The following NOL4L variants were observed in gnomAD, a reference collection of about 807,000 sequenced individuals.
The protein encoded by NOL4L is nucleolar protein 4 like.
Under a neutral mutation model 64.5 loss-of-function variants are expected in NOL4L, and 7 were observed. The ratio of observed to expected loss-of-function variants is 0.11; its 90% CI spans 0.06 to 0.20. The LOEUF is 0.20. Ranked by LOEUF, NOL4L falls within the 10% of genes least tolerant of loss-of-function variation. The pLI is 1.00. For synonymous variants in NOL4L, 413 were observed against 401.0 expected (o/e 1.03, Z -0.36); for missense variants, 680 against 967.1 (o/e 0.70, Z 3.94).
intron 4 of NOL4L, chr20:32,486,800 C>T (rs1202006318): frequency 1.3e-5 from 6 of 470,762 alleles, no homozygotes; most frequent in Non-Finnish European, 2.2e-5. Context: ...TGAAGGGAGG[C>T]ACTGGAAGAC....
intron 1 of NOL4L, among the ~76,000 whole-genome samples, chr20:32,536,906 CCT>C (rs920035338): frequency 4.7e-5 from 7 of 149,398 alleles, no homozygotes; most frequent in African/African-American, 1.5e-4. Context: ...CTGGCCTCCC[CCT>C]GTCTCCAGCC....
chr20:32,527,950 A>G (rs1318105117), intron 1 of NOL4L, 37 bp from the exon 2 acceptor site: 1 of 1,389,454 alleles, frequency 7.2e-7, no homozygotes, highest in East Asian at 3.7e-5. Flanking sequence ...AGTGTCAGGA[A>G]TGATGGCGGG....
At chr20:32,551,041 G>C (rs779855759) in intron 1 of NOL4L, among the ~76,000 whole-genome samples, 1 of 151,906 alleles carries the variant, frequency 6.6e-6, no homozygotes, top group South Asian at 2.1e-4. Flanking sequence ...GGGAGACAGA[G>C]CAAGACTCCA....
At chr20:32,576,464 G>C (rs1344529566) in intron 1 of NOL4L, among the ~76,000 whole-genome samples, 1 of 152,242 alleles carries the variant, frequency 6.6e-6, no homozygotes, top group Non-Finnish European at 1.5e-5. Flanking sequence ...TGCAGCTGCT[G>C]TACAGGAAGG....
rs58257913 is a variant in NOL4L, at chr20:32,554,320, C to CAA, written c.322-26409_322-26408dup. ...TGGGCGACAGAGTGAGACTCTGCCT[C>CAA]AAAAAAAAAAAAAAAAAAAAAAGGA... is the stretch of plus-strand genomic sequence containing the variant. On this transcript the variant is annotated intron_variant, in intron 1 of 10. Transcript: ENST00000621426. 0.017 allele frequency among the ~76,000 whole-genome samples: 1,104 copies of CAA among 63,864 alleles called. 66 individuals are homozygous for CAA. The East Asian group carries it at 0.18, about 10-fold the overall frequency. 41.9% of individuals were successfully genotyped at this position (63,864 alleles called of 152,430 possible). A position where few individuals can be genotyped will look rare whatever the true frequency, so the allele number is the denominator to read the frequency against.
At chr20:32,513,385 G>A (rs1436045735) in intron 3 of NOL4L, among the ~76,000 whole-genome samples, 4 of 152,176 alleles carry the variant, frequency 2.6e-5, no homozygotes, top group African/African-American at 7.2e-5. Context: ...CTACTTACAC[G>A]AAATACTTAG....
Position 32,452,369 on chromosome 20 carries a change from T to C in NOL4L, c.1689A>G (p.Ser563=). ...CCTGGGAGTAGGAGGAGGCTGGCAG[T>C]GAGTAGGTGGAGTGGGTGATGGCTG... is the stretch of plus-strand genomic sequence containing the variant. ...DSAAITHSTY[S]LPASSYSQDP... Residue 563 remains serine, a synonymous_variant, in exon 10 of 11, where the codon TCA becomes TCG. Coordinates refer to ENST00000621426, the MANE Select transcript of NOL4L (RefSeq NM_001256798.2). 1 of 1,611,774 alleles carries C rather than the reference T, an allele frequency of 6.2e-7. No individual in the cohort carries two copies. Among genetic ancestry groups the C allele is most frequent in the East Asian group, 2.2e-5 (1 of 44,774 alleles).
At chr20:32,576,138 G>C (rs1422798154) in intron 1 of NOL4L, among the ~76,000 whole-genome samples, 1 of 152,212 alleles carries the variant, frequency 6.6e-6, no homozygotes, top group African/African-American at 2.4e-5. Flanking sequence ...AGTGAGACAG[G>C]AGTCTTGGAG....
Position 32,447,104 on chromosome 20 carries a change from A to C in NOL4L, c.*492T>G, listed in dbSNP as rs891671424. On this transcript the variant is annotated 3_prime_UTR_variant, in exon 11 of 11. Coordinates refer to ENST00000621426, the MANE Select transcript of NOL4L (RefSeq NM_001256798.2). ...TTAGGTATGGGGATACATCCTTCTGATCAGACAGACACAGACTAGCAATCT... is the reference window on the plus strand; with the variant it reads ...TTAGGTATGGGGATACATCCTTCTGCTCAGACAGACACAGACTAGCAATCT... 2.2e-5 allele frequency: 9 copies of C among 404,226 alleles called. No individual in the cohort carries two copies. The highest frequency in any genetic ancestry group is 4.1e-5 in the African/African-American group (2 of 48,342). The allele number at this position is 404,226 out of a possible 1,614,324, so 25.0% of individuals were successfully genotyped here.
intron 1 of NOL4L, among the ~76,000 whole-genome samples, chr20:32,563,940 G>A (rs1175220522): frequency 1.3e-5 from 2 of 152,248 alleles, no homozygotes; most frequent in Non-Finnish European, 2.9e-5. Context: ...GGCGGCTCCT[G>A]CCTGCTCAGT....
chr20:32,572,700 T>G (rs1276841759), intron 1 of NOL4L, among the ~76,000 whole-genome samples: 3 of 152,126 alleles, frequency 2.0e-5, no homozygotes. Context: ...GACCTCTGGC[T>G]TCCATCAAGG....
intron 3 of NOL4L, among the ~76,000 whole-genome samples, chr20:32,518,157 C>T (rs1440372081): frequency 1.3e-5 from 2 of 152,198 alleles, no homozygotes; most frequent in Non-Finnish European, 2.9e-5. Context: ...TTCTCCTCTC[C>T]CTGCGAGGAG....
chr20:32,473,435 C>T lies in NOL4L; in HGVS notation c.841+1166G>A, dbSNP rs1414378672. On this transcript the variant is annotated intron_variant, in intron 5 of 10. Coordinates refer to ENST00000621426, the MANE Select transcript of NOL4L (RefSeq NM_001256798.2). ...TGGGAGGCTGGCAGCACGAGGGGGT[C>T]GCACCGACCTCACGAGGCATCAAGC... 2.6e-5 allele frequency among the ~76,000 whole-genome samples: 4 copies of T among 152,172 alleles called. No individual in the cohort carries two copies. The East Asian group carries it at 5.8e-4, about 22-fold the overall frequency.
chr20:32,523,219 G>A (rs1448140508), intron 2 of NOL4L, among the ~76,000 whole-genome samples: 2 of 152,200 alleles, frequency 1.3e-5, no homozygotes, highest in Non-Finnish European at 1.5e-5. Context: ...TGGAAGGGGA[G>A]GATAGAAGGC....
At chr20:32,565,170 G>C (rs1979345034) in intron 1 of NOL4L, among the ~76,000 whole-genome samples, 1 of 152,232 alleles carries the variant, frequency 6.6e-6, no homozygotes, top group African/African-American at 2.4e-5. Flanking sequence ...CTGGGGGCCA[G>C]GCTGTTGAGG....
chr20:32,564,899 C>A (rs1979327038), intron 1 of NOL4L: 1 of 152,292 alleles, frequency 6.6e-6, no homozygotes. Context: ...GTGGGCAGGG[C>A]CCACTGTCAA....
intron 1 of NOL4L, among the ~76,000 whole-genome samples, chr20:32,529,379 C>T (rs1217580158): frequency 1.3e-5 from 2 of 152,156 alleles, no homozygotes; most frequent in South Asian, 2.1e-4. Context: ...AGCCGAACAC[C>T]GGGGCAACCC....
intron 1 of NOL4L, among the ~76,000 whole-genome samples, chr20:32,544,520 A>G (rs961250046): frequency 3.9e-5 from 6 of 152,112 alleles, no homozygotes; most frequent in African/African-American, 1.4e-4. Flanking sequence ...TCCAGGCAGG[A>G]AAAGACCATG....
At chr20:32,566,540 G>C (rs1979440640) in intron 1 of NOL4L, among the ~76,000 whole-genome samples, 1 of 152,150 alleles carries the variant, frequency 6.6e-6, no homozygotes, top group African/African-American at 2.4e-5. Flanking sequence ...GGTGGGAGGA[G>C]CTGGGGACAC....
Sources: gnomAD v4.1 joint callset for allele counts (sites outside exome capture counted in the v4.1 genomes callset) on GRCh38, gnomAD v4.1.1 for gene constraint, MANE v1.5 for transcripts, NCBI Gene and HGNC (gene_info 2026-07-23, HGNC 2026-07-21) for gene names.